Variants in ADGRG6 observed in about 807,000 individuals in gnomAD.
The protein encoded by ADGRG6 is adhesion G protein-coupled receptor G6.
A neutral mutation model predicts 142.4 loss-of-function variants in ADGRG6; 84 were observed. The observed-to-expected ratio is 0.59, with a 90% CI of 0.49 to 0.71. The LOEUF (loss-of-function observed/expected upper bound fraction) is 0.71. Among genes scored for constraint, ADGRG6 ranks in the 30% least tolerant of loss-of-function variants. ADGRG6 has a pLI of 0.00. For synonymous variants in ADGRG6, 521 were observed against 520.5 expected (o/e 1.00, Z -0.01); for missense variants, 1,367 against 1,466.6 (o/e 0.93, Z 1.11).
intron 2 of ADGRG6, among the ~76,000 whole-genome samples, chr6:142,351,180 C>T (rs976450599): frequency 1.3e-5 from 2 of 152,142 alleles, no homozygotes; most frequent in Admixed American, 1.3e-4. Flanking sequence ...TGCAGTGAGC[C>T]GAGATTGCGC....
intron 2 of ADGRG6, among the ~76,000 whole-genome samples, chr6:142,353,708 T>A (rs1562332256): frequency 3.9e-5 from 6 of 152,112 alleles, no homozygotes; most frequent in Non-Finnish European, 1.5e-5. Context: ...CTGAAAAGAG[T>A]ATGCCCCAAG....
At chr6:142,317,135 C>T (rs1778117291) in intron 2 of ADGRG6, among the ~76,000 whole-genome samples, 1 of 152,214 alleles carries the variant, frequency 6.6e-6, no homozygotes, top group East Asian at 1.9e-4. Context: ...TTCCTTCCAG[C>T]TTGGTAAGCA....
intron 2 of ADGRG6, among the ~76,000 whole-genome samples, chr6:142,342,579 G>C (rs1779709785): frequency 6.6e-6 from 1 of 151,992 alleles, no homozygotes; most frequent in South Asian, 2.1e-4. Context: ...TAGTTAACTG[G>C]TTGTTTCAGT....
intron 2 of ADGRG6, among the ~76,000 whole-genome samples, chr6:142,324,159 C>T (rs955091922): frequency 4.6e-5 from 7 of 152,074 alleles, no homozygotes; most frequent in African/African-American, 1.7e-4. Flanking sequence ...CCTGTTGCCT[C>T]AGCTTCTGTA....
chr6:142,316,242 C>T (rs1400434878), intron 2 of ADGRG6, among the ~76,000 whole-genome samples: 1 of 152,152 alleles, frequency 6.6e-6, no homozygotes, highest in Non-Finnish European at 1.5e-5. Context: ...ATCCCTTCCT[C>T]TACTACATTC....
Position 142,417,339 on chromosome 6 carries a change from A to G in ADGRG6, c.3005A>G (p.Glu1002Gly). 6.3e-7 allele frequency: 1 copy of G among 1,592,718 alleles called. No individual in the cohort carries two copies. Among genetic ancestry groups the G allele is most frequent in the Non-Finnish European group, 8.6e-7 (1 of 1,162,238 alleles). Reference protein sequence around the residue: ...SRNNNEVYGKESYGKEKGDEF... With the variant: ...SRNNNEVYGKGSYGKEKGDEF... ...AACAACAATGAAGTCTATGGAAAAG[A>G]AAGTTATGGGAAAGAAAAAGGTGAT... Residue 1002 changes from glutamate (E) to glycine (G), a missense_variant, in exon 21 of 25, where the codon GAA becomes GGA. Coordinates refer to ENST00000367609, the MANE Select transcript of ADGRG6 (RefSeq NM_198569.3).
At position 142,408,144 on chromosome 6, in the gene ADGRG6, T is replaced by C. The variant is rs1436553158; in HGVS notation, c.2269-6T>C. The stretch of plus-strand genomic sequence containing the variant: ...CTGATACACGCGATTTTTTTTTCTT[T>C]AAAAGGATGTAGGACCCCAAAGAAA... On this transcript the variant is annotated splice_polypyrimidine_tract_variant and splice_region_variant and intron_variant, in intron 15 of 24. Transcript: ENST00000367609. 6.4e-7 allele frequency: 1 copy of C among 1,553,764 alleles called. No individual in the cohort carries two copies. The highest frequency in any genetic ancestry group is 8.7e-7 in the Non-Finnish European group (1 of 1,148,258).
chr6:142,411,535 G>T (rs529681048), intron 18 of ADGRG6, 124 bp downstream of exon 18: 4 of 616,866 alleles, frequency 6.5e-6, no homozygotes, highest in Non-Finnish European at 6.0e-6. Context: ...CATCTGTACC[G>T]TGAATCTTAA....
Position 142,438,305 on chromosome 6 carries a change from A to G in ADGRG6, c.3515A>G (p.Tyr1172Cys), listed in dbSNP as rs756389285. ...AGCTCCATTGGTTCCAACTCAACCT[A>G]TCTTACATCCAAATCTAAATCCAGC... Reference protein sequence around the residue: ...SSSSIGSNSTYLTSKSKSSST... With the variant: ...SSSSIGSNSTCLTSKSKSSST... Residue 1172 changes from tyrosine to cysteine, a missense_variant, in exon 24 of 25, where the codon TAT becomes TGT. Transcript: ENST00000367609. The G allele has an allele frequency of 1.1e-5, 18 of 1,608,514 alleles. No homozygotes were observed. Among genetic ancestry groups the G allele is most frequent in the South Asian group, 2.2e-5 (2 of 90,546 alleles).
At chr6:142,341,709 AT>A (rs1779668055) in intron 2 of ADGRG6, among the ~76,000 whole-genome samples, 1 of 140,670 alleles carries the variant, frequency 7.1e-6, no homozygotes, top group Admixed American at 7.8e-5. Context: ...GGAGAGCAAG[AT>A]TCTAATGATA....
intron 2 of ADGRG6, among the ~76,000 whole-genome samples, chr6:142,335,986 G>T (rs1210088417): frequency 6.6e-6 from 1 of 152,106 alleles, no homozygotes; most frequent in Admixed American, 6.5e-5. Flanking sequence ...TGGAACTGGG[G>T]TGGCCATATA....
intron 16 of ADGRG6, 32 bp downstream of exon 16, chr6:142,408,301 G>A (rs1716587337): frequency 6.6e-7 from 1 of 1,514,492 alleles, no homozygotes; most frequent in African/African-American, 1.4e-5. Context: ...CATTTGGACA[G>A]AAGTGGACTA....
intron 13 of ADGRG6, 27 bp from the exon 14 acceptor site, chr6:142,403,775 T>G: frequency 7.0e-7 from 1 of 1,424,636 alleles, no homozygotes; most frequent in Non-Finnish European, 9.6e-7. Context: ...TATTACTTAA[T>G]AGTGGCATTT....
At chr6:142,355,378 G>GA in intron 2 of ADGRG6, among the ~76,000 whole-genome samples, 1 of 152,066 alleles carries the variant, frequency 6.6e-6, no homozygotes, top group Non-Finnish European at 1.5e-5. Flanking sequence ...ATTTCAAAAT[G>GA]ACTTTCCATA....
chr6:142,425,284 A>G (rs1038095741), intron 22 of ADGRG6, among the ~76,000 whole-genome samples: 1 of 151,878 alleles, frequency 6.6e-6, no homozygotes, highest in Admixed American at 6.6e-5. Context: ...GTAGGAGGAG[A>G]CTCTCAGTGT....
At chr6:142,337,608 C>T (rs1269745477) in intron 2 of ADGRG6, among the ~76,000 whole-genome samples, 1 of 152,050 alleles carries the variant, frequency 6.6e-6, no homozygotes, top group Non-Finnish European at 1.5e-5. Context: ...TGATTCTCCC[C>T]TCTTTTGTGG....
intron 2 of ADGRG6, among the ~76,000 whole-genome samples, chr6:142,358,607 G>C (rs953696555): frequency 1.3e-5 from 2 of 152,162 alleles, no homozygotes; most frequent in Admixed American, 6.5e-5. Context: ...AAGGAGCAAG[G>C]CTTTAAAAAG....
At chr6:142,369,515 C>G (rs1057141998) in intron 3 of ADGRG6, among the ~76,000 whole-genome samples, 18 of 152,150 alleles carry the variant, frequency 1.2e-4, no homozygotes, top group African/African-American at 4.3e-4. Flanking sequence ...GTAGGAAACT[C>G]CATGGTCTGC....
At chr6:142,348,047 T>C (rs747315515) in intron 2 of ADGRG6, among the ~76,000 whole-genome samples, 2 of 152,166 alleles carry the variant, frequency 1.3e-5, no homozygotes, top group African/African-American at 2.4e-5. Context: ...TCAATGAGGT[T>C]TCAGGTACCT....
Sources: gnomAD v4.1 joint callset for allele counts (sites outside exome capture counted in the v4.1 genomes callset) on GRCh38, gnomAD v4.1.1 for gene constraint, MANE v1.5 for transcripts, NCBI Gene and HGNC (gene_info 2026-07-23, HGNC 2026-07-21) for gene names.